SPEG: variants seen among roughly 807,000 people sequenced by gnomAD.
The protein encoded by SPEG is striated muscle preferentially expressed protein kinase.
SPEG carries 114 observed loss-of-function variants against 300.4 expected under a neutral mutation model. The ratio of observed to expected loss-of-function variants is 0.38; its 90% confidence interval spans 0.33 to 0.44. The LOEUF (loss-of-function observed/expected upper bound fraction) is 0.44, where lower values mean the gene tolerates loss of function less well. SPEG is among the 20% of genes least tolerant of loss of function. The probability of loss-of-function intolerance (pLI) is 1.00; values close to 1 mark genes in which losing one functional copy is unlikely to be tolerated. For synonymous variants in SPEG, 1,964 were observed against 2,018.9 expected (o/e 0.97, Z 0.73); for missense variants, 4,201 against 4,586.2 (o/e 0.92, Z 2.43).
chr2:219,487,722 T>C (rs986419811), intron 31 of SPEG, among the ~76,000 whole-genome samples: 3 of 152,224 alleles, frequency 2.0e-5, no homozygotes, highest in East Asian at 1.9e-4. Context: ...CACATTCTGA[T>C]AGAACATTCC....
chr2:219,488,073 G>A (rs1029754961), intron 31 of SPEG, 121 bp from the exon 32 acceptor site: 7 of 681,150 alleles, frequency 1.0e-5, no homozygotes, highest in Admixed American at 1.0e-4. Flanking sequence ...CATCTGCCTG[G>A]GAAGAGACAA....
chr2:219,441,735 G>T lies in SPEG; in HGVS notation c.389-2918G>T, dbSNP rs116028969. ...AGGGTGGGGGTCCGTGGCTCTCGGCGTTAGGAGGTGACCGGTGGTCGTGTA... is the reference window on the plus strand; with the variant it reads ...AGGGTGGGGGTCCGTGGCTCTCGGCTTTAGGAGGTGACCGGTGGTCGTGTA... On this transcript the variant is annotated intron_variant, in intron 1 of 40. Coordinates refer to ENST00000312358, the MANE Select transcript of SPEG (RefSeq NM_005876.5). 7.6e-3 allele frequency: 2,886 copies of T among 382,068 alleles called. 90 individuals carry two copies. The highest frequency in any genetic ancestry group is 0.056 in the African/African-American group (2,640 of 47,462). 23.7% of individuals were successfully genotyped at this position (382,068 alleles called of 1,614,324 possible). A position where few individuals can be genotyped will look rare whatever the true frequency, so the allele number is the denominator to read the frequency against.
chr2:219,483,203 C>A lies in SPEG; in HGVS notation c.5740C>A (p.Pro1914Thr). The A allele has an allele frequency of 6.2e-7, 1 of 1,610,116 alleles. No individual in the cohort carries two copies. Among genetic ancestry groups the A allele is most frequent in the Non-Finnish European group, 8.5e-7 (1 of 1,179,010 alleles). ...VWVTMPRRPP[P>T]SGGLSSSSDS... ...GGTGACCATGCCCAGAAGGCCACCC[C>A]CCAGTGGGGGGCTCTCATCCTCCTC... Residue 1914 changes from proline to threonine, a missense_variant, in exon 30 of 41, where the codon CCC becomes ACC. By Grantham distance (38) the Pro-to-Thr change is conservative. Around this residue, in one of 4 missense-constraint regions of SPEG, gnomAD observed 1,578 missense variants for 1,506.0 expected, o/e 1.05. Coordinates refer to ENST00000312358, the MANE Select transcript of SPEG (RefSeq NM_005876.5).
rs1195689696 is a variant in SPEG at position 219,441,933 on chromosome 2, C to T, written c.389-2720C>T. 27 of 251,700 alleles carry T rather than the reference C, an allele frequency of 1.1e-4. No homozygotes were observed. In the East Asian group the frequency reaches 2.2e-3, roughly 21 times the overall value. The allele number at this position is 251,700 out of a possible 1,614,324, so 15.6% of individuals were successfully genotyped here. The stretch of plus-strand genomic sequence containing the variant: ...GGCTCCCGAGGCCCCAGGCTCCTTC[C>T]GCCACCCGCGCCGGCTCCCGCCCGC... On this transcript the variant is annotated intron_variant, in intron 1 of 40. Transcript: ENST00000312358.
In SPEG at chr2:219,451,025, C is replaced by T. The variant is rs553688066; in HGVS notation, c.2114-111C>T. 3.6e-6 allele frequency: 4 copies of T among 1,104,538 alleles called. No individual in the cohort carries two copies. The highest frequency in any genetic ancestry group is 5.0e-6 in the Non-Finnish European group (4 of 798,414). 68.4% of individuals were successfully genotyped at this position (1,104,538 alleles called of 1,614,324 possible). ...TCCCCAAGTCCCTGCTTTCTAGAAGCCCCTCTGTCTGGGTTTGGCTTTCTA... is the reference window on the plus strand; with the variant it reads ...TCCCCAAGTCCCTGCTTTCTAGAAGTCCCTCTGTCTGGGTTTGGCTTTCTA... On this transcript the variant is annotated intron_variant, in intron 4 of 40. Coordinates refer to ENST00000312358, the MANE Select transcript of SPEG (RefSeq NM_005876.5). This position sits in a 1 kb window ranked among gnomAD's most constrained non-coding sequence, Gnocchi z 6.4.
In SPEG at chr2:219,473,642, C is replaced by A. The variant is rs1159011833; in HGVS notation, c.4271+15C>A. 6.2e-7 allele frequency: 1 copy of A among 1,614,156 alleles called. No homozygotes were observed. Among genetic ancestry groups the A allele is most frequent in the African/African-American group, 1.3e-5 (1 of 75,072 alleles). On this transcript the variant is annotated intron_variant, in intron 17 of 40. Coordinates refer to ENST00000312358, the MANE Select transcript of SPEG (RefSeq NM_005876.5). The surrounding 1 kb of genome is among the most constrained non-coding windows in gnomAD (Gnocchi z 4.6). ...GTCTGGAGGAGGTGGGCCCCTTTCC[C>A]ACATGTGGCAGCCCAGGTCTGGCCC... is the stretch of plus-strand genomic sequence containing the variant.
chr2:219,477,476 G>A lies in SPEG; in HGVS notation c.4729+31G>A, dbSNP rs887198663. On this transcript the variant is annotated intron_variant, in intron 20 of 40. Coordinates refer to ENST00000312358, the MANE Select transcript of SPEG (RefSeq NM_005876.5). The surrounding 1 kb of genome is among the most constrained non-coding windows in gnomAD (Gnocchi z 6.4). ...CAGGAGTTCCGGAGAAAGGTAAAGCGCACACCCCCTGGAATCTGATGTGAC... is the reference window on the plus strand; with the variant it reads ...CAGGAGTTCCGGAGAAAGGTAAAGCACACACCCCCTGGAATCTGATGTGAC... The A allele has an allele frequency of 5.8e-6, 9 of 1,540,116 alleles. No individual in the cohort carries two copies. The highest frequency in any genetic ancestry group is 4.8e-5 in the East Asian group (2 of 41,576).
chr2:219,454,651 T>C (rs531015331), intron 6 of SPEG, among the ~76,000 whole-genome samples: 6 of 152,306 alleles, frequency 3.9e-5, no homozygotes, highest in African/African-American at 1.4e-4. Context: ...AAAATGTGAA[T>C]TGAAAAGTGA....
rs1445600379 is a variant in SPEG, at chr2:219,445,954, A to G, written c.815+793A>G. On this transcript the variant is annotated intron_variant, in intron 3 of 40. Transcript: ENST00000312358. The surrounding 1 kb of genome is among the most constrained non-coding windows in gnomAD (Gnocchi z 6.1). ...CCATTTTTGGAGATTTGGGGCTCGC[A>G]GATACAGGAGGGAGTGCTATAGTGG... Among the ~76,000 whole-genome samples the G allele has an allele frequency of 6.6e-6, 1 of 151,916 alleles. No homozygotes were observed. Among genetic ancestry groups the G allele is most frequent in the Non-Finnish European group, 1.5e-5 (1 of 67,966 alleles).
chr2:219,485,361 G>T lies in SPEG; in HGVS notation c.7625G>T (p.Arg2542Leu). ...TSGSSAPGES[R>L]SRLRWGFSRP... ...GTCTTCACAGCCCCAGGGGAAAGCCGAAGCCGGCTCCGCTGGGGCTTCTCT... is the reference window on the plus strand; with the variant it reads ...GTCTTCACAGCCCCAGGGGAAAGCCTAAGCCGGCTCCGCTGGGGCTTCTCT... Residue 2542 changes from arginine (R) to leucine (L), a missense_variant, in exon 31 of 41, where the codon CGA becomes CTA. Arg to Leu is a moderately radical substitution (Grantham distance 102, BLOSUM62 -2). Coordinates refer to ENST00000312358, the MANE Select transcript of SPEG (RefSeq NM_005876.5). 1 of 1,606,204 alleles carries T rather than the reference G, an allele frequency of 6.2e-7. No homozygotes were observed. Among genetic ancestry groups the T allele is most frequent in the Non-Finnish European group, 8.5e-7 (1 of 1,176,586 alleles).
Position 219,477,554 on chromosome 2 carries a change from C to A in SPEG, c.4729+109C>A. ...AGCCCTGGACTCGAGCCACCACACC[C>A]CCAGCCCAGCACCCCGCCTTGAGCC... On this transcript the variant is annotated intron_variant, in intron 20 of 40. Coordinates refer to ENST00000312358, the MANE Select transcript of SPEG (RefSeq NM_005876.5). This position sits in a 1 kb window ranked among gnomAD's most constrained non-coding sequence, Gnocchi z 6.4. 1.4e-6 allele frequency: 2 copies of A among 1,381,226 alleles called. No individual in the cohort carries two copies. Among genetic ancestry groups the A allele is most frequent in the South Asian group, 1.4e-5 (1 of 69,654 alleles). The allele number at this position is 1,381,226 out of a possible 1,614,324, so 85.6% of individuals were successfully genotyped here.
Position 219,490,896 on chromosome 2 carries a change from C to T in SPEG, c.9325C>T (p.Pro3109Ser). The T allele has an allele frequency of 6.2e-7, 1 of 1,613,848 alleles. No homozygotes were observed. Among genetic ancestry groups the T allele is most frequent in the Non-Finnish European group, 8.5e-7 (1 of 1,180,028 alleles). The change falls in exon 38 of 41, where the codon CCC becomes TCC. Residue 3109 changes from proline (P) to serine (S), a missense_variant. Coordinates refer to ENST00000312358, the MANE Select transcript of SPEG (RefSeq NM_005876.5). ...GATTGTGGACTTTGGCAGTGCCCAG[C>T]CCTACAACCCCCAGGCCCTTAGGCC... ...LKIVDFGSAQ[P>S]YNPQALRPLG...
chr2:219,492,625 C>T lies in SPEG; in HGVS notation c.9643C>T (p.His3215Tyr). 6.2e-7 allele frequency: 1 copy of T among 1,610,994 alleles called. No homozygotes were observed. Among genetic ancestry groups the T allele is most frequent in the African/African-American group, 1.3e-5 (1 of 75,068 alleles). Residue 3215 changes from histidine (H) to tyrosine (Y), a missense_variant, in exon 41 of 41, where the codon CAC becomes TAC. Transcript: ENST00000312358. ...SRPSLQDCLAHPWLQDAYLMK... is the reference protein window; with the variant it reads ...SRPSLQDCLAYPWLQDAYLMK... ...GCCCTCCCTGCAGGACTGCCTGGCC[C>T]ACCCATGGTTGCAGGACGCCTACCT...
In SPEG at chr2:219,451,278, A is replaced by G. The variant is rs1286659636; in HGVS notation, c.2256A>G (p.Gln752=). The G allele has an allele frequency of 1.2e-6, 2 of 1,606,334 alleles. No individual in the cohort carries two copies. Among genetic ancestry groups the G allele is most frequent in the South Asian group, 1.1e-5 (1 of 89,942 alleles). ...KCIITANPPP[Q]VSWHKDGSAL... The stretch of plus-strand genomic sequence containing the variant: ...TCATCACTGCCAACCCCCCGCCCCA[A>G]GGTGAGCTCCAGCACTGGGCCAAGG... The change falls in exon 5 of 41, where the codon CAA becomes CAG. Residue 752 remains glutamine (Q), a splice_region_variant and synonymous_variant. Transcript: ENST00000312358. The surrounding 1 kb of genome is among the most constrained non-coding windows in gnomAD (Gnocchi z 6.4).
Position 219,483,894 on chromosome 2 carries a change from G to A in SPEG, c.6431G>A (p.Arg2144Gln), listed in dbSNP as rs768837753. 7.7e-5 allele frequency: 123 copies of A among 1,600,176 alleles called. No homozygotes were observed. Among genetic ancestry groups the A allele is most frequent in the Non-Finnish European group, 9.0e-5 (106 of 1,178,370 alleles). Residue 2144 changes from arginine (R) to glutamine (Q), a missense_variant, in exon 30 of 41, where the codon CGA becomes CAA. Coordinates refer to ENST00000312358, the MANE Select transcript of SPEG (RefSeq NM_005876.5). Reference sequence around the variant, plus strand: ...GCGGAGCCCCGGGGCCGGCACCGCCGAGCGGGGGCGCCCCTCGAGATCCCC... The same window carrying A: ...GCGGAGCCCCGGGGCCGGCACCGCCAAGCGGGGGCGCCCCTCGAGATCCCC... ...GEAEPRGRHRRAGAPLEIPVA... is the reference protein window; with the variant it reads ...GEAEPRGRHRQAGAPLEIPVA...
At chr2:219,472,063 G>A in intron 14 of SPEG, 76 bp downstream of exon 14, 1 of 1,578,832 alleles carries the variant, frequency 6.3e-7, no homozygotes. Flanking sequence ...AGGGAAAGGG[G>A]CCTCCACCCA....
At position 219,464,613 on chromosome 2, in the gene SPEG, G is replaced by A. The variant is rs772267233; in HGVS notation, c.2881+5G>A. On this transcript the variant is annotated splice_donor_5th_base_variant and intron_variant, in intron 9 of 40. Transcript: ENST00000312358. This position sits in a 1 kb window ranked among gnomAD's most constrained non-coding sequence, Gnocchi z 4.5. ...AGGCCCGCTTGGAGGTCCGAGGTGA[G>A]TACCTGATTTCTCCATGAATGCCCA... is the stretch of plus-strand genomic sequence containing the variant. 2 of 1,612,806 alleles carry A rather than the reference G, an allele frequency of 1.2e-6. No homozygotes were observed. Among genetic ancestry groups the A allele is most frequent in the African/African-American group, 1.3e-5 (1 of 75,034 alleles).
In SPEG at chr2:219,464,078, G is replaced by C. The variant is rs1256575162; in HGVS notation, c.2706-355G>C. On this transcript the variant is annotated intron_variant, in intron 8 of 40. Coordinates refer to ENST00000312358, the MANE Select transcript of SPEG (RefSeq NM_005876.5). The surrounding 1 kb of genome is among the most constrained non-coding windows in gnomAD (Gnocchi z 4.5). ...GTAGAAGCTGCAGTGAGCTGTGATT[G>C]TGCCACTGCACTCCAGCCTGGGTGA... 1.3e-5 allele frequency among the ~76,000 whole-genome samples: 2 copies of C among 150,942 alleles called. No homozygotes were observed. The highest frequency in any genetic ancestry group is 4.9e-5 in the African/African-American group (2 of 40,948).
rs779778539 is a variant in SPEG, at chr2:219,477,457, T to C, written c.4729+12T>C. ...GGCTGTGCATTCAGGTAGGCAGGAG[T>C]TCCGGAGAAAGGTAAAGCGCACACC... On this transcript the variant is annotated intron_variant, in intron 20 of 40. Coordinates refer to ENST00000312358, the MANE Select transcript of SPEG (RefSeq NM_005876.5). The surrounding 1 kb of genome is among the most constrained non-coding windows in gnomAD (Gnocchi z 6.4). The C allele has an allele frequency of 6.4e-7, 1 of 1,564,740 alleles. No homozygotes were observed. Among genetic ancestry groups the C allele is most frequent in the Admixed American group, 1.9e-5 (1 of 51,782 alleles).
Sources: allele counts gnomAD v4.1 joint callset (sites outside exome capture counted in the v4.1 genomes callset), GRCh38; gene constraint gnomAD v4.1.1; regional missense constraint gnomAD v4.1.1; non-coding constraint Gnocchi (gnomAD v3.1); transcripts MANE v1.5; gene names NCBI Gene and HGNC (gene_info 2026-07-23, HGNC 2026-07-21).